ATP8B4: variants seen among roughly 807,000 people sequenced by gnomAD.
The protein encoded by ATP8B4 is ATPase phospholipid transporting 8B4 (putative), also known as probable phospholipid-transporting ATPase IM.
ATP8B4 carries 133 observed loss-of-function variants against 145.6 expected under a neutral mutation model. The observed-to-expected ratio is 0.91, with a 90% confidence interval of 0.79 to 1.05. ATP8B4 has a LOEUF of 1.05. Ranked by LOEUF, ATP8B4 falls within the 50% of genes least tolerant of loss-of-function variation. ATP8B4 has a pLI of 0.00. For synonymous variants in ATP8B4, 507 were observed against 492.9 expected, an observed-to-expected ratio of 1.03 and a Z score of -0.38; for missense variants, 1,458 against 1,425.2, an observed-to-expected ratio of 1.02 and a Z score of -0.37.
At position 49,962,023 on chromosome 15, in the gene ATP8B4, G is replaced by A; in HGVS notation, c.1244-3C>T. 6.3e-7 allele frequency: 1 copy of A among 1,585,584 alleles called. No individual in the cohort carries two copies. Among genetic ancestry groups the A allele is most frequent in the Non-Finnish European group, 8.6e-7 (1 of 1,169,362 alleles). ...ATCCAGGTCATCATGTACTTCACCT[G>A]ACAAAACAAAAATTGAGAATTAAAA... is the stretch of plus-strand genomic sequence containing the variant. On this transcript the variant is annotated splice_region_variant and splice_polypyrimidine_tract_variant and intron_variant, in intron 13 of 27. Coordinates refer to ENST00000284509, the MANE Select transcript of ATP8B4 (RefSeq NM_024837.4).
chr15:49,973,651 T>A (rs2045389555), intron 12 of ATP8B4, among the ~76,000 whole-genome samples: 1 of 152,126 alleles, frequency 6.6e-6, no homozygotes, highest in African/African-American at 2.4e-5. Context: ...ATAATTATGA[T>A]TAATATAATT....
chr15:49,890,046 T>A lies in ATP8B4; in HGVS notation c.2697+7246A>T, dbSNP rs139485778. Among the ~76,000 whole-genome samples, 305 of 152,330 alleles carry A rather than the reference T, an allele frequency of 2.0e-3. 1 individual carries two copies. The highest frequency in any genetic ancestry group is 6.8e-3 in the African/African-American group (282 of 41,572). On this transcript the variant is annotated intron_variant, in intron 23 of 27. Coordinates refer to ENST00000284509, the MANE Select transcript of ATP8B4 (RefSeq NM_024837.4). ...ATAAAAGAAAGGAGATTATGGGATTTTTCAACATTTGTTATGCATTTATGA... is the reference window on the plus strand; with the variant it reads ...ATAAAAGAAAGGAGATTATGGGATTATTCAACATTTGTTATGCATTTATGA...
intron 14 of ATP8B4, among the ~76,000 whole-genome samples, chr15:49,947,582 A>C (rs2042686169): frequency 1.2e-5 from 1 of 83,816 alleles, no homozygotes; most frequent in African/African-American, 5.3e-5. Context: ...ATCCCCATCA[A>C]AATTTCAATG....
At chr15:50,050,003 G>T (rs1416836676) in intron 3 of ATP8B4, among the ~76,000 whole-genome samples, 1 of 152,070 alleles carries the variant, frequency 6.6e-6, no homozygotes, top group Middle Eastern at 3.2e-3. Context: ...CATGCCTGGG[G>T]TCACCTAGAC....
At chr15:49,992,330 G>A (rs915242239) in intron 9 of ATP8B4, among the ~76,000 whole-genome samples, 1 of 152,076 alleles carries the variant, frequency 6.6e-6, no homozygotes, top group Non-Finnish European at 1.5e-5. Context: ...CTTCTCCCCT[G>A]GGAAATAAGC....
At chr15:49,917,901 G>A (rs2039901504) in intron 19 of ATP8B4, among the ~76,000 whole-genome samples, 1 of 152,162 alleles carries the variant, frequency 6.6e-6, no homozygotes, top group African/African-American at 2.4e-5. Context: ...GGCTGTAACT[G>A]ACCAAAATCA....
At chr15:50,105,080 T>C (rs1198773144) in intron 2 of ATP8B4, among the ~76,000 whole-genome samples, 2 of 151,836 alleles carry the variant, frequency 1.3e-5, no homozygotes, top group African/African-American at 4.8e-5. Flanking sequence ...AATGATACAA[T>C]GGATTTTGGG....
At chr15:49,928,353 G>C (rs78302745) in intron 16 of ATP8B4, among the ~76,000 whole-genome samples, 11,426 of 152,168 alleles carry the variant, frequency 0.075, 470 homozygotes, top group Middle Eastern at 0.095. Flanking sequence ...AGAGAAGTGG[G>C]GGAAAGGAGT....
chr15:50,124,140 T>C (rs371871945), upstream of ATP8B4, among the ~76,000 whole-genome samples: 1 of 152,060 alleles, frequency 6.6e-6, no homozygotes, highest in African/African-American at 2.4e-5. Context: ...CTCATAGCCT[T>C]TAATATCTAA....
At chr15:50,070,640 C>T (rs140670470) in intron 3 of ATP8B4, among the ~76,000 whole-genome samples, 157 of 152,338 alleles carry the variant, frequency 1.0e-3, no homozygotes, top group African/African-American at 3.7e-3. Context: ...GTGCCCCTCT[C>T]TGCTCTGTAG....
rs147865527 is a variant in ATP8B4, at chr15:49,897,431, T to G, written c.2558A>C (p.Tyr853Ser). The change falls in exon 23 of 28, where the codon TAT becomes TCT. Residue 853 changes from tyrosine to serine, a missense_variant. Physicochemically the swap from Tyr to Ser is moderately radical, Grantham distance 144. Coordinates refer to ENST00000284509, the MANE Select transcript of ATP8B4 (RefSeq NM_024837.4). Reference sequence around the variant, plus strand: ...ATGAACAAGGAGAAGCCTTTGGAGATATCTAAACTGTGCAAATGAATAGTC... The same window carrying G: ...ATGAACAAGGAGAAGCCTTTGGAGAGATCTAAACTGTGCAAATGAATAGTC... ...ASDYSFAQFR[Y>S]LQRLLLVHGR... 5 of 1,612,926 alleles carry G rather than the reference T, an allele frequency of 3.1e-6. No individual in the cohort carries two copies. Among genetic ancestry groups the G allele is most frequent in the Non-Finnish European group, 4.2e-6 (5 of 1,179,528 alleles).
intron 20 of ATP8B4, among the ~76,000 whole-genome samples, chr15:49,909,722 CAAAAAAAAAAA>C (rs995336781): frequency 2.8e-5 from 2 of 72,018 alleles, no homozygotes; most frequent in African/African-American, 1.1e-4. Flanking sequence ...CTTTGTTTAC[CAAAAAAAAAAA>C]AAAAAAAAAA....
At chr15:50,126,690 G>A (rs8030667) in intron 1 of ATP8B4, among the ~76,000 whole-genome samples, 5,385 of 152,222 alleles carry the variant, frequency 0.035, 147 homozygotes, top group African/African-American at 0.071. Context: ...TTGAAGAAAC[G>A]CAAGATTTTC....
rs548491266 is a variant in ATP8B4 at position 49,858,567 on chromosome 15, C to T, written c.*1627G>A. The T allele has an allele frequency of 3.9e-5, 6 of 152,322 alleles. No homozygotes were observed. Among genetic ancestry groups the T allele is most frequent in the African/African-American group, 1.4e-4 (6 of 41,568 alleles). 9.4% of individuals were successfully genotyped at this position (152,322 alleles called of 1,614,324 possible). On this transcript the variant is annotated 3_prime_UTR_variant, in exon 28 of 28. Coordinates refer to ENST00000284509, the MANE Select transcript of ATP8B4 (RefSeq NM_024837.4). ...ACTCACTCAAGTGTCACCTGACTCT[C>T]TTGGGAAATGTAACTTTGTCTGACC...
chr15:50,010,106 C>G (rs536698527), intron 7 of ATP8B4, among the ~76,000 whole-genome samples: 4 of 152,078 alleles, frequency 2.6e-5, no homozygotes, highest in Non-Finnish European at 5.9e-5. Flanking sequence ...CAACTTGATA[C>G]ACAAAATAGC....
intron 1 of ATP8B4, among the ~76,000 whole-genome samples, chr15:50,140,559 T>C (rs1426398154): frequency 6.6e-6 from 1 of 152,248 alleles, no homozygotes; most frequent in African/African-American, 2.4e-5. Flanking sequence ...ATAAATGTCA[T>C]TACTCAGTAA....
At chr15:50,018,923 A>G in intron 6 of ATP8B4, 1 of 1,260,200 alleles carries the variant, frequency 7.9e-7, no homozygotes, top group Non-Finnish European at 1.0e-6. Context: ...CTTCTTCCTT[A>G]CAATTACCAG....
intron 20 of ATP8B4, among the ~76,000 whole-genome samples, chr15:49,905,853 C>T (rs574573649): frequency 6.6e-6 from 1 of 152,206 alleles, no homozygotes; most frequent in East Asian, 1.9e-4. Context: ...ATAATTCTAT[C>T]ACCCAGAGAG....
intron 1 of ATP8B4, among the ~76,000 whole-genome samples, chr15:50,158,451 C>T (rs1387388704): frequency 6.6e-6 from 1 of 150,602 alleles, no homozygotes; most frequent in South Asian, 2.1e-4. Context: ...GGTCAGACCC[C>T]GCCCGGCCAG....
Sources: gnomAD v4.1 joint callset for allele counts (sites outside exome capture counted in the v4.1 genomes callset) on GRCh38, gnomAD v4.1.1 for gene constraint, MANE v1.5 for transcripts, NCBI Gene and HGNC (gene_info 2026-07-23, HGNC 2026-07-21) for gene names.